IL1RAP: variants seen among roughly 807,000 people sequenced by gnomAD.
IL1RAP encodes interleukin 1 receptor accessory protein.
IL1RAP carries 35 observed loss-of-function variants against 60.7 expected under a neutral mutation model. That is an observed-to-expected ratio of 0.58 (90% CI 0.44 to 0.76). The LOEUF (loss-of-function observed/expected upper bound fraction) is 0.76, where lower values mean the gene tolerates loss of function less well. Among genes scored for constraint, IL1RAP ranks in the 30% least tolerant of loss-of-function variants. IL1RAP has a pLI of 0.00. For missense variants in IL1RAP, 572 were observed against 693.9 expected, an observed-to-expected ratio of 0.82 and a Z score of 1.97; for synonymous variants, 268 against 250.9, an observed-to-expected ratio of 1.07 and a Z score of -0.64.
intron 2 of IL1RAP, among the ~76,000 whole-genome samples, chr3:190,561,935 A>G (rs1335136683): frequency 6.6e-6 from 1 of 152,124 alleles, no homozygotes; most frequent in African/African-American, 2.4e-5. Context: ...TATAAAGTAC[A>G]ATTTGAGGGT....
rs1731683320 is a variant in IL1RAP, at chr3:190,620,473, A to G, written c.703+33A>G. 4.5e-6 allele frequency: 7 copies of G among 1,552,220 alleles called. No individual in the cohort carries two copies. The South Asian group carries it at 7.2e-5, about 16-fold the overall frequency. ...TGATTAGTGTCCAGTACACACAACAAGCATGTGATCATCTTGTTATGGTTT... is the reference window on the plus strand; with the variant it reads ...TGATTAGTGTCCAGTACACACAACAGGCATGTGATCATCTTGTTATGGTTT... On this transcript the variant is annotated intron_variant, in intron 6 of 11. Transcript: ENST00000447382.
intron 1 of IL1RAP, among the ~76,000 whole-genome samples, chr3:190,553,898 A>G (rs1725130904): frequency 1.3e-5 from 2 of 151,692 alleles, no homozygotes; most frequent in African/African-American, 4.8e-5. Context: ...CGCCTCTACT[A>G]AAAATACAAA....
At position 190,650,635 on chromosome 3, in the gene IL1RAP, A is replaced by G. The variant is rs1734338422; in HGVS notation, c.*1930A>G. Reference sequence around the variant, plus strand: ...TAAATCATTTCCCTCTATAAGTGTTATTGATTATTTTAAATTGAAAAAAGT... The same window carrying G: ...TAAATCATTTCCCTCTATAAGTGTTGTTGATTATTTTAAATTGAAAAAAGT... On this transcript the variant is annotated 3_prime_UTR_variant, in exon 12 of 12. Coordinates refer to ENST00000447382, the MANE Select transcript of IL1RAP (RefSeq NM_002182.4). The G allele has an allele frequency of 1.1e-6, 1 of 876,388 alleles. No individual in the cohort carries two copies. Among genetic ancestry groups the G allele is most frequent in the African/African-American group, 1.8e-5 (1 of 54,986 alleles). 54.3% of individuals were successfully genotyped at this position (876,388 alleles called of 1,614,324 possible).
rs117028750 is a variant in IL1RAP, at chr3:190,610,057, G to T, written c.537+876G>T. The stretch of plus-strand genomic sequence containing the variant: ...CTCTGAAGGGGTGGGAAAAGTTGTA[G>T]TTCCTCACAACTCTGAAATATGACC... On this transcript the variant is annotated intron_variant, in intron 5 of 11. Coordinates refer to ENST00000447382, the MANE Select transcript of IL1RAP (RefSeq NM_002182.4). Among the ~76,000 whole-genome samples the T allele has an allele frequency of 5.8e-4, 89 of 152,278 alleles. No individual in the cohort carries two copies. The East Asian group carries it at 0.016, about 28-fold the overall frequency.
At chr3:190,597,531 T>G (rs772103162) in intron 3 of IL1RAP, among the ~76,000 whole-genome samples, 2 of 152,266 alleles carry the variant, frequency 1.3e-5, no homozygotes, top group South Asian at 4.1e-4. Flanking sequence ...CTTCAGGGCC[T>G]CCATTTCAGG....
At chr3:190,652,457 G>GAA (rs10631058), downstream of IL1RAP, among the ~76,000 whole-genome samples, 1,643 of 135,504 alleles carry the variant, frequency 0.012, 33 homozygotes, top group African/African-American at 0.042. Context: ...CGAGACTTCA[G>GAA]AAAAAAAAAA....
At chr3:190,577,056 G>C (rs993255079) in intron 3 of IL1RAP, among the ~76,000 whole-genome samples, 2 of 143,850 alleles carry the variant, frequency 1.4e-5, no homozygotes, top group Non-Finnish European at 3.0e-5. Context: ...AGCCGAGATC[G>C]CGCCACCGCA....
intron 9 of IL1RAP, among the ~76,000 whole-genome samples, chr3:190,630,842 T>C (rs116584152): frequency 1.1e-3 from 172 of 152,326 alleles, no homozygotes; most frequent in African/African-American, 4.0e-3. Flanking sequence ...AGTAAATCTC[T>C]CTGAGCCTTA....
At chr3:190,633,711 A>T (rs545657862) in intron 9 of IL1RAP, among the ~76,000 whole-genome samples, 48 of 152,120 alleles carry the variant, frequency 3.2e-4, no homozygotes, top group Middle Eastern at 3.2e-3. Flanking sequence ...TTGAAAATGC[A>T]ATTAATTGAT....
intron 1 of IL1RAP, among the ~76,000 whole-genome samples, chr3:190,535,298 C>T (rs1038838626): frequency 2.0e-5 from 3 of 152,130 alleles, no homozygotes; most frequent in Non-Finnish European, 2.9e-5. Flanking sequence ...CAGTGATGAA[C>T]GCTTACAGAA....
At chr3:190,603,330 C>T (rs1010847591) in intron 3 of IL1RAP, among the ~76,000 whole-genome samples, 18 of 152,184 alleles carry the variant, frequency 1.2e-4, no homozygotes, top group Admixed American at 4.6e-4. Context: ...CCTTGTAGAA[C>T]TAAGCTCCTT....
At chr3:190,633,505 C>T (rs1732962114) in intron 9 of IL1RAP, among the ~76,000 whole-genome samples, 1 of 151,980 alleles carries the variant, frequency 6.6e-6, no homozygotes, top group Admixed American at 6.6e-5. Context: ...TACAGGTCCC[C>T]ACTACCATAC....
intron 3 of IL1RAP, among the ~76,000 whole-genome samples, chr3:190,600,937 T>A (rs1307791267): frequency 6.6e-6 from 1 of 152,218 alleles, no homozygotes; most frequent in Non-Finnish European, 1.5e-5. Flanking sequence ...TCTTTTCTCC[T>A]ACTCTTGCAG....
intron 1 of IL1RAP, among the ~76,000 whole-genome samples, chr3:190,544,428 C>T (rs1349734226): frequency 6.6e-6 from 1 of 152,190 alleles, no homozygotes; most frequent in Non-Finnish European, 1.5e-5. Flanking sequence ...GCCATTGTTC[C>T]TCCATCAGCT....
intron 3 of IL1RAP, among the ~76,000 whole-genome samples, chr3:190,588,976 G>T (rs969257447): frequency 1.7e-4 from 26 of 152,196 alleles, no homozygotes; most frequent in African/African-American, 6.0e-4. Flanking sequence ...GGTTATCAGA[G>T]AGACTTTTAT....
chr3:190,607,384 T>C (rs1029870811), intron 4 of IL1RAP, among the ~76,000 whole-genome samples: 4 of 152,230 alleles, frequency 2.6e-5, no homozygotes, highest in Non-Finnish European at 5.9e-5. Context: ...ATAACAAATA[T>C]TTATTTAGCA....
intron 3 of IL1RAP, among the ~76,000 whole-genome samples, chr3:190,591,859 T>C (rs759030532): frequency 3.3e-5 from 5 of 152,172 alleles, no homozygotes; most frequent in Non-Finnish European, 2.9e-5. Flanking sequence ...TTCTCCAGTG[T>C]ACTGTGTCAC....
At chr3:190,625,276 G>C (rs536676625) in intron 7 of IL1RAP, 1 of 152,158 alleles carries the variant, frequency 6.6e-6, no homozygotes, top group Non-Finnish European at 1.5e-5. Context: ...CCTCTTTGGG[G>C]TAGGGATGCT....
At position 190,650,101 on chromosome 3, in the gene IL1RAP, T is replaced by C. The variant is rs1734307783; in HGVS notation, c.*1396T>C. 14 of 909,536 alleles carry C rather than the reference T, an allele frequency of 1.5e-5. No homozygotes were observed. In the South Asian group the frequency reaches 5.1e-4, roughly 33 times the overall value. 56.3% of individuals were successfully genotyped at this position (909,536 alleles called of 1,614,324 possible). A position where few individuals can be genotyped will look rare whatever the true frequency, so the allele number is the denominator to read the frequency against. ...TAATTTGTGTGTGTGTATGTGTATG[T>C]ATATGACTTTAAATAGCTATGGGTA... On this transcript the variant is annotated 3_prime_UTR_variant, in exon 12 of 12. Coordinates refer to ENST00000447382, the MANE Select transcript of IL1RAP (RefSeq NM_002182.4).
Sources: gnomAD v4.1 joint callset for allele counts (sites outside exome capture counted in the v4.1 genomes callset) on GRCh38, gnomAD v4.1.1 for gene constraint, MANE v1.5 for transcripts, NCBI Gene and HGNC (gene_info 2026-07-23, HGNC 2026-07-21) for gene names.